Variants in KLF13 observed in about 807,000 individuals in gnomAD.
KLF13 encodes Krueppel-like factor 13.
KLF13 carries 8 observed loss-of-function variants against 16.7 expected under a neutral mutation model. That is an observed-to-expected ratio of 0.48 (90% CI 0.28 to 0.87). The LOEUF (loss-of-function observed/expected upper bound fraction) is 0.87, where lower values mean the gene tolerates loss of function less well. KLF13 is among the 40% of genes least tolerant of loss of function. The pLI is 0.10. For missense variants in KLF13, 447 were observed against 452.2 expected (o/e 0.99, Z 0.10); for synonymous variants, 245 against 208.4 (o/e 1.18, Z -1.51).
At chr15:31,330,543 T>C (rs2038810269) in intron 1 of KLF13, among the ~76,000 whole-genome samples, 1 of 152,182 alleles carries the variant, frequency 6.6e-6, no homozygotes, top group Non-Finnish European at 1.5e-5. Context: ...GTGAAGACCC[T>C]TTGAGAAGTG....
Position 31,327,113 on chromosome 15 carries a change from GCCGC to G in KLF13, c.-99_-96del. The G allele has an allele frequency of 3.2e-6, 3 of 951,514 alleles. No individual in the cohort carries two copies. Among genetic ancestry groups the G allele is most frequent in the Non-Finnish European group, 3.9e-6 (3 of 764,588 alleles). The allele number at this position is 951,514 out of a possible 1,614,324, so 58.9% of individuals were successfully genotyped here. ...CCAGCCCAGCCCGAGGAGAGGGCGC[GCCGC>G]GCCCCCGCCCCCCGCCCGCTCTCCC... On this transcript the variant is annotated 5_prime_UTR_variant, in exon 1 of 2. Coordinates refer to ENST00000307145, the MANE Select transcript of KLF13 (RefSeq NM_015995.4).
chr15:31,348,552 T>C (rs1387907203), intron 1 of KLF13, among the ~76,000 whole-genome samples: 1 of 152,158 alleles, frequency 6.6e-6, no homozygotes, highest in Non-Finnish European at 1.5e-5. Context: ...AGGAAGCCCC[T>C]CCTGGCAGCC....
At chr15:31,356,370 A>G (rs2039300546) in intron 1 of KLF13, among the ~76,000 whole-genome samples, 1 of 152,186 alleles carries the variant, frequency 6.6e-6, no homozygotes, top group African/African-American at 2.4e-5. Flanking sequence ...CCTGACCAAC[A>G]TGGTGAAACC....
At chr15:31,361,576 G>A (rs1465991094) in intron 1 of KLF13, among the ~76,000 whole-genome samples, 1 of 152,154 alleles carries the variant, frequency 6.6e-6, no homozygotes, top group Non-Finnish European at 1.5e-5. Flanking sequence ...AGAGGGCAGG[G>A]GGAGGAAATG....
intron 1 of KLF13, among the ~76,000 whole-genome samples, chr15:31,334,516 C>T (rs1363286334): frequency 1.3e-5 from 2 of 152,132 alleles, no homozygotes; most frequent in African/African-American, 2.4e-5. Context: ...CAACCTCCGC[C>T]TCCCGGGTTC....
upstream of KLF13, among the ~76,000 whole-genome samples, chr15:31,390,270 GCTTT>G (rs1037619244): frequency 3.7e-4 from 57 of 152,218 alleles, no homozygotes; most frequent in African/African-American, 1.3e-3. Flanking sequence ...CTTTCTCTTA[GCTTT>G]CTTTCTCACT....
chr15:31,425,171 T>A (rs1216483980), intron 1 of KLF13, among the ~76,000 whole-genome samples: 3 of 152,180 alleles, frequency 2.0e-5, no homozygotes, highest in Admixed American at 2.0e-4. Flanking sequence ...TTCACATTTA[T>A]AGATTAGAAG....
intron 1 of KLF13, among the ~76,000 whole-genome samples, chr15:31,328,060 G>C (rs1389234953): frequency 6.7e-6 from 1 of 148,676 alleles, no homozygotes; most frequent in African/African-American, 2.5e-5. Context: ...GGGCCGCGGG[G>C]GCGGATATAG....
intron 1 of KLF13, among the ~76,000 whole-genome samples, chr15:31,329,154 G>C (rs1441389856): frequency 1.3e-5 from 2 of 151,906 alleles, no homozygotes; most frequent in Non-Finnish European, 2.9e-5. Context: ...TAGAGGGTGA[G>C]AGCGGGGCCA....
downstream of KLF13, among the ~76,000 whole-genome samples, chr15:31,382,371 A>AG (rs1334618501): frequency 6.6e-6 from 1 of 152,190 alleles, no homozygotes; most frequent in African/African-American, 2.4e-5. Flanking sequence ...AGAGGGTTGA[A>AG]GTGGCCTTCT....
At chr15:31,423,170 T>TATACGTATATATACGTATAC (rs2040363882) in intron 1 of KLF13, among the ~76,000 whole-genome samples, 1 of 71,782 alleles carries the variant, frequency 1.4e-5, no homozygotes, top group Admixed American at 1.5e-4. Flanking sequence ...TATATGTATA[T>TATACGTATATATACGTATAC]ATATACATAT....
rs540930724 is a variant in KLF13, at chr15:31,422,783, T to G, written n.118-12587T>G. 3.5e-4 allele frequency among the ~76,000 whole-genome samples: 53 copies of G among 152,102 alleles called. No homozygotes were observed. In the East Asian group the frequency reaches 4.9e-3, roughly 14 times the overall value. ...GGCGCAGTGGCTCAGGCCTATAATC[T>G]CAGCATTTTGGGAGGCTGAGGTGGG... On this transcript the variant is annotated intron_variant and non_coding_transcript_variant, in intron 1 of 1. Coordinates refer to the KLF13 transcript ENST00000558225.
At chr15:31,393,591 G>A in exon 2 of KLF13, 1 of 152,504 alleles carries the variant, frequency 6.6e-6, no homozygotes, top group Non-Finnish European at 1.5e-5. Context: ...AACCCCCGCT[G>A]TGCTCTGCGG....
chr15:31,406,814 C>T (rs922654199), downstream of KLF13, among the ~76,000 whole-genome samples: 1 of 152,082 alleles, frequency 6.6e-6, no homozygotes, highest in African/African-American at 2.4e-5. Context: ...TAGATCTCTC[C>T]CTCTGACTCT....
At chr15:31,427,719 G>A (rs534877403) in intron 1 of KLF13, among the ~76,000 whole-genome samples, 5 of 152,330 alleles carry the variant, frequency 3.3e-5, no homozygotes, top group African/African-American at 9.6e-5. Flanking sequence ...GGCTGTGCAG[G>A]AAACATGGTG....
At chr15:31,388,470 C>CG (rs1304026993), upstream of KLF13, among the ~76,000 whole-genome samples, 1 of 151,710 alleles carries the variant, frequency 6.6e-6, no homozygotes, top group Admixed American at 6.6e-5. Flanking sequence ...CAAAATTAGC[C>CG]GGGTGCGGTG....
chr15:31,408,945 G>A (rs117691038), downstream of KLF13, among the ~76,000 whole-genome samples: 2,286 of 152,206 alleles, frequency 0.015, 22 homozygotes, highest in Middle Eastern at 0.031. Flanking sequence ...TCAACATGAA[G>A]TTGAACATAA....
chr15:31,414,748 A>G (rs2040235869), intron 1 of KLF13, among the ~76,000 whole-genome samples: 3 of 152,222 alleles, frequency 2.0e-5, no homozygotes, highest in Non-Finnish European at 4.4e-5. Context: ...GAAGAAATAA[A>G]TAGACATTTC....
rs1293192097 is a variant in KLF13 at position 31,374,690 on chromosome 15, A to C, written c.*2391A>C. 6.6e-6 allele frequency: 1 copy of C among 152,250 alleles called. No homozygotes were observed. Among genetic ancestry groups the C allele is most frequent in the African/African-American group, 2.4e-5 (1 of 41,360 alleles). 9.4% of individuals were successfully genotyped at this position (152,250 alleles called of 1,614,324 possible). On this transcript the variant is annotated 3_prime_UTR_variant, in exon 2 of 2. Transcript: ENST00000307145. ...GTGGCCCGTCCCTGGGAGGCTGGCA[A>C]AGTGCTCTCCAGGGAGGGGTCAGAC...
Sources: gnomAD v4.1 joint callset for allele counts (sites outside exome capture counted in the v4.1 genomes callset) on GRCh38, gnomAD v4.1.1 for gene constraint, MANE v1.5 for transcripts, NCBI Gene and HGNC (gene_info 2026-07-23, HGNC 2026-07-21) for gene names.